OXR1: variants seen among roughly 807,000 people sequenced by gnomAD.
OXR1 encodes oxidation resistance 1.
A neutral mutation model predicts 104.6 loss-of-function variants in OXR1; 41 were observed. The ratio of observed to expected loss-of-function variants is 0.39; its 90% confidence interval spans 0.31 to 0.51. OXR1 has a LOEUF of 0.51. Ranked by LOEUF, OXR1 falls within the 20% of genes least tolerant of loss-of-function variation. The pLI, the probability that OXR1 is intolerant of heterozygous loss-of-function variation, is 0.77. For synonymous variants in OXR1, 348 were observed against 348.4 expected (o/e 1.00, Z 0.01); for missense variants, 955 against 1,031.9 (o/e 0.93, Z 1.02).
At chr8:106,420,132 A>G (rs2130532855) in intron 2 of OXR1, among the ~76,000 whole-genome samples, 1 of 152,246 alleles carries the variant, frequency 6.6e-6, no homozygotes, top group East Asian at 1.9e-4. Context: ...ATTATGAGAG[A>G]AATTTAACAT....
chr8:106,335,306 A>G (rs1814912723), intron 1 of OXR1, among the ~76,000 whole-genome samples: 1 of 152,044 alleles, frequency 6.6e-6, no homozygotes, highest in East Asian at 1.9e-4. Flanking sequence ...ATTACACTTT[A>G]TTTTAATTGT....
intron 3 of OXR1, among the ~76,000 whole-genome samples, chr8:106,629,948 T>C (rs1822521781): frequency 6.6e-6 from 1 of 152,194 alleles, no homozygotes; most frequent in Admixed American, 6.5e-5. Context: ...CTAAATACAG[T>C]ATATCTATAA....
intron 3 of OXR1, among the ~76,000 whole-genome samples, chr8:106,673,046 A>G (rs1827207984): frequency 6.6e-6 from 1 of 152,174 alleles, no homozygotes; most frequent in South Asian, 2.1e-4. Context: ...CTATAAAGAT[A>G]CCCAAAAATG....
intron 3 of OXR1, among the ~76,000 whole-genome samples, chr8:106,664,595 C>G (rs985720894): frequency 1.3e-5 from 2 of 152,180 alleles, no homozygotes; most frequent in South Asian, 2.1e-4. Flanking sequence ...AAGTGGCCAA[C>G]AAATTAGTCT....
At chr8:106,320,592 T>C (rs952656348) in intron 1 of OXR1, among the ~76,000 whole-genome samples, 1 of 152,128 alleles carries the variant, frequency 6.6e-6, no homozygotes, top group Non-Finnish European at 1.5e-5. Flanking sequence ...AATTTATTGG[T>C]GATTAAGTAT....
chr8:106,281,841 C>A (rs955005226), intron 1 of OXR1, among the ~76,000 whole-genome samples: 1 of 145,496 alleles, frequency 6.9e-6, no homozygotes. Context: ...ATATAGAAAG[C>A]AGGAGTACTT....
intron 3 of OXR1, among the ~76,000 whole-genome samples, chr8:106,596,051 G>A (rs376570584): frequency 6.6e-5 from 10 of 151,648 alleles, no homozygotes; most frequent in Admixed American, 2.0e-4. Context: ...TTCTACTGAC[G>A]CTTCTTTTCT....
At position 106,679,309 on chromosome 8, in the gene OXR1, C is replaced by T. The variant is rs374164784; in HGVS notation, c.303+17C>T. The T allele has an allele frequency of 1.2e-5, 16 of 1,370,488 alleles. No homozygotes were observed. Among genetic ancestry groups the T allele is most frequent in the South Asian group, 5.2e-5 (4 of 76,832 alleles). 84.9% of individuals were successfully genotyped at this position (1,370,488 alleles called of 1,614,324 possible). ...GAGTATACTGTAAGTTATTTGCTTT[C>T]GAAAAAGCTATTTTTCTTTGTAAGA... On this transcript the variant is annotated intron_variant, in intron 4 of 16. Coordinates refer to ENST00000517566, the MANE Select transcript of OXR1 (RefSeq NM_001198533.2).
intron 7 of OXR1, among the ~76,000 whole-genome samples, chr8:106,694,578 A>AATGTTTATATATATTTGATATATAAATAT (rs1563716102): frequency 1.1e-4 from 11 of 97,496 alleles, no homozygotes; most frequent in Non-Finnish European, 1.4e-4. Flanking sequence ...TTGATATATA[A>AATGTTTATATATATTTGATATATAAATAT]ATGTTTATAT....
intron 1 of OXR1, among the ~76,000 whole-genome samples, chr8:106,334,791 A>G (rs1054673255): frequency 2.0e-5 from 3 of 152,054 alleles, no homozygotes; most frequent in African/African-American, 7.2e-5. Flanking sequence ...ATTTCCTGAT[A>G]TTCCATTCTT....
At chr8:106,591,781 T>G (rs1474768379) in intron 3 of OXR1, among the ~76,000 whole-genome samples, 1 of 152,200 alleles carries the variant, frequency 6.6e-6, no homozygotes, top group Non-Finnish European at 1.5e-5. Context: ...GATCCTTGAA[T>G]TGAAAACTCC....
At chr8:106,645,324 C>G (rs1823984924) in intron 3 of OXR1, among the ~76,000 whole-genome samples, 1 of 152,170 alleles carries the variant, frequency 6.6e-6, no homozygotes, top group Admixed American at 6.5e-5. Flanking sequence ...ATAAATTCTA[C>G]TGGTGGTGGT....
chr8:106,680,751 T>C (rs1828069711), intron 4 of OXR1, among the ~76,000 whole-genome samples: 1 of 152,138 alleles, frequency 6.6e-6, no homozygotes, highest in Non-Finnish European at 1.5e-5. Context: ...ATCCCTCCCT[T>C]TCTAGTTGCT....
At chr8:106,278,167 C>G (rs954707426) in intron 1 of OXR1, among the ~76,000 whole-genome samples, 1 of 152,148 alleles carries the variant, frequency 6.6e-6, no homozygotes, top group Non-Finnish European at 1.5e-5. Flanking sequence ...CCCATTAGCT[C>G]TCTTCCTTCA....
intron 1 of OXR1, among the ~76,000 whole-genome samples, chr8:106,308,386 G>T (rs996797932): frequency 6.6e-6 from 1 of 152,124 alleles, no homozygotes; most frequent in Non-Finnish European, 1.5e-5. Flanking sequence ...CGATTCAAAT[G>T]TTAATCTTTT....
intron 3 of OXR1, among the ~76,000 whole-genome samples, chr8:106,526,406 A>G (rs562388354): frequency 6.6e-6 from 1 of 152,342 alleles, no homozygotes; most frequent in Non-Finnish European, 1.5e-5. Context: ...GCTTCCCCAC[A>G]TTGTTTTCAA....
chr8:106,394,364 C>T (rs1817696063), intron 2 of OXR1, among the ~76,000 whole-genome samples: 1 of 150,828 alleles, frequency 6.6e-6, no homozygotes, highest in African/African-American at 2.4e-5. Context: ...TGCCATATAA[C>T]CCAGCAACCT....
At chr8:106,351,918 A>G (rs1350440993) in intron 1 of OXR1, among the ~76,000 whole-genome samples, 4 of 152,194 alleles carry the variant, frequency 2.6e-5, no homozygotes, top group Non-Finnish European at 4.4e-5. Flanking sequence ...TAAACAAGGA[A>G]TGCACTTAGT....
intron 3 of OXR1, among the ~76,000 whole-genome samples, chr8:106,674,430 A>G (rs1473673969): frequency 6.6e-6 from 1 of 152,136 alleles, no homozygotes; most frequent in Non-Finnish European, 1.5e-5. Flanking sequence ...TCTTGGAAGT[A>G]ACTAACTTGC....
Sources: gnomAD v4.1 joint callset for allele counts (sites outside exome capture counted in the v4.1 genomes callset) on GRCh38, gnomAD v4.1.1 for gene constraint, MANE v1.5 for transcripts, NCBI Gene and HGNC (gene_info 2026-07-23, HGNC 2026-07-21) for gene names.